GPC5: variants seen among roughly 807,000 people sequenced by gnomAD.
GPC5 encodes the protein glypican 5.
Under a neutral mutation model 53.9 loss-of-function variants are expected in GPC5, and 47 were observed. The ratio of observed to expected loss-of-function variants is 0.87; its 90% CI spans 0.69 to 1.11. GPC5 has a LOEUF of 1.11. Among genes scored for constraint, GPC5 ranks in the 50% most tolerant of loss-of-function variants. The probability of loss-of-function intolerance (pLI) is 0.00; values close to 1 mark genes in which losing one functional copy is unlikely to be tolerated. For synonymous variants in GPC5, 286 were observed against 263.3 expected, an observed-to-expected ratio of 1.09 and a Z score of -0.84; for missense variants, 748 against 713.1, an observed-to-expected ratio of 1.05 and a Z score of -0.56.
chr13:91,402,880 T>G (rs1367603098), intron 1 of GPC5, among the ~76,000 whole-genome samples: 1 of 152,172 alleles, frequency 6.6e-6, no homozygotes, highest in African/African-American at 2.4e-5. Flanking sequence ...TACATTATGG[T>G]GAATATTTTG....
chr13:92,800,116 T>C (rs1876844554), intron 7 of GPC5, among the ~76,000 whole-genome samples: 1 of 151,844 alleles, frequency 6.6e-6, no homozygotes, highest in African/African-American at 2.4e-5. Context: ...AGTATTTGGT[T>C]TGCATGTTCA....
rs115477769 is a variant in GPC5 at position 92,819,506 on chromosome 13, G to A, written c.1562-46776G>A. On this transcript the variant is annotated intron_variant, in intron 7 of 7. Transcript: ENST00000377067. ...AATTCCCTCATTAATAAAATGAAGC[G>A]GTTTGACTAGATGAACTGTAAAACA... Among the ~76,000 whole-genome samples the A allele has an allele frequency of 4.8e-3, 736 of 152,202 alleles. 5 individuals are homozygous for A. The highest frequency in any genetic ancestry group is 0.017 in the African/African-American group (711 of 41,544).
At chr13:92,307,466 A>T (rs2139205535) in intron 7 of GPC5, among the ~76,000 whole-genome samples, 1 of 152,358 alleles carries the variant, frequency 6.6e-6, no homozygotes, top group Middle Eastern at 3.4e-3. Context: ...AAACAAAAAG[A>T]AAAGAAAGAA....
chr13:91,507,691 A>C (rs938417258), intron 2 of GPC5, among the ~76,000 whole-genome samples: 1 of 152,158 alleles, frequency 6.6e-6, no homozygotes, highest in Admixed American at 6.5e-5. Flanking sequence ...CTCATGACTT[A>C]ATCACCTCCC....
chr13:92,335,219 A>C (rs994147359), intron 7 of GPC5, among the ~76,000 whole-genome samples: 28 of 151,208 alleles, frequency 1.9e-4, no homozygotes, highest in African/African-American at 6.8e-4. Flanking sequence ...CCCAAACCTC[A>C]AATCTTGTCA....
Position 92,819,692 on chromosome 13 carries a change from G to T in GPC5, c.1562-46590G>T, listed in dbSNP as rs559100920. Among the ~76,000 whole-genome samples the T allele has an allele frequency of 2.3e-4, 35 of 152,286 alleles. 1 individual carries two copies. In the South Asian group the frequency reaches 7.2e-3, roughly 32 times the overall value. On this transcript the variant is annotated intron_variant, in intron 7 of 7. Coordinates refer to ENST00000377067, the MANE Select transcript of GPC5 (RefSeq NM_004466.6). Reference sequence around the variant, plus strand: ...ATTCAGATGTATCCCCCTGGGGTAGGTATGTGTTGGCAAGGAAAACAAAGA... The same window carrying T: ...ATTCAGATGTATCCCCCTGGGGTAGTTATGTGTTGGCAAGGAAAACAAAGA...
At chr13:92,816,332 T>C (rs1357899765) in intron 7 of GPC5, among the ~76,000 whole-genome samples, 2 of 152,068 alleles carry the variant, frequency 1.3e-5, no homozygotes, top group Admixed American at 1.3e-4. Flanking sequence ...AGCTATATGA[T>C]TTCCCCCCTT....
chr13:91,771,305 A>G (rs1398390462), intron 5 of GPC5, among the ~76,000 whole-genome samples: 1 of 152,222 alleles, frequency 6.6e-6, no homozygotes, highest in African/African-American at 2.4e-5. Context: ...AAATTTGATA[A>G]TTCATAGCAT....
intron 6 of GPC5, among the ~76,000 whole-genome samples, chr13:91,982,073 G>A (rs935774045): frequency 3.3e-5 from 5 of 152,160 alleles, no homozygotes; most frequent in African/African-American, 1.2e-4. Context: ...ATAGAGAGCT[G>A]GAGAGGGAAG....
intron 5 of GPC5, among the ~76,000 whole-genome samples, chr13:91,802,514 G>A (rs1354675085): frequency 2.6e-5 from 4 of 152,140 alleles, no homozygotes; most frequent in Admixed American, 6.5e-5. Context: ...ACCCAAGCAG[G>A]TTGCTGCTGC....
chr13:91,853,147 A>T (rs549678931), intron 5 of GPC5, among the ~76,000 whole-genome samples: 304 of 152,210 alleles, frequency 2.0e-3, no homozygotes, highest in African/African-American at 6.9e-3. Flanking sequence ...TGGAATTTTT[A>T]AAAAATTATA....
intron 2 of GPC5, among the ~76,000 whole-genome samples, chr13:91,573,179 G>A (rs997874936): frequency 4.6e-5 from 7 of 152,158 alleles, no homozygotes; most frequent in African/African-American, 1.2e-4. Context: ...TTGGTTCCTC[G>A]TTTCCAAGGC....
At chr13:92,667,343 T>C (rs1166168152) in intron 7 of GPC5, among the ~76,000 whole-genome samples, 4 of 151,570 alleles carry the variant, frequency 2.6e-5, no homozygotes, top group Non-Finnish European at 5.9e-5. Context: ...GCTTGGAAAA[T>C]AAAACAATGG....
At chr13:91,587,053 T>G (rs920894775) in intron 2 of GPC5, among the ~76,000 whole-genome samples, 3 of 152,258 alleles carry the variant, frequency 2.0e-5, no homozygotes, top group Middle Eastern at 3.4e-3. Flanking sequence ...CAATAGTATT[T>G]GTACTAGAAA....
intron 7 of GPC5, among the ~76,000 whole-genome samples, chr13:92,234,998 G>A (rs989586049): frequency 1.3e-5 from 2 of 151,824 alleles, no homozygotes; most frequent in Admixed American, 1.3e-4. Context: ...CAAAGGCAGG[G>A]GTATATGAAA....
intron 6 of GPC5, among the ~76,000 whole-genome samples, chr13:91,908,345 T>G (rs188301257): frequency 1.3e-5 from 2 of 152,164 alleles, no homozygotes; most frequent in Admixed American, 1.3e-4. Flanking sequence ...AGTGAATAAG[T>G]TTGAACATGG....
At chr13:91,635,964 A>T (rs181925347) in intron 2 of GPC5, among the ~76,000 whole-genome samples, 2 of 151,896 alleles carry the variant, frequency 1.3e-5, no homozygotes, top group Non-Finnish European at 1.5e-5. Context: ...GTAGTTTTAT[A>T]GTTTTTTTCA....
chr13:92,808,459 A>G (rs2138795321), intron 7 of GPC5, among the ~76,000 whole-genome samples: 1 of 152,228 alleles, frequency 6.6e-6, no homozygotes, highest in East Asian at 1.9e-4. Context: ...AGTTGTGATC[A>G]TGATGGTGCG....
chr13:92,169,661 A>G (rs1050195812), intron 7 of GPC5, among the ~76,000 whole-genome samples: 10 of 152,224 alleles, frequency 6.6e-5, no homozygotes, highest in Non-Finnish European at 1.5e-4. Context: ...AAGGAAAATT[A>G]AAACGTACAA....
Sources: allele counts gnomAD v4.1 joint callset (sites outside exome capture counted in the v4.1 genomes callset), GRCh38; gene constraint gnomAD v4.1.1; transcripts MANE v1.5; gene names NCBI Gene and HGNC (gene_info 2026-07-23, HGNC 2026-07-21).